The following BMP3 variants were observed in gnomAD, a reference collection of about 807,000 sequenced individuals.
BMP3 encodes bone morphogenetic protein 3 (osteogenic).
In BMP3, 23 loss-of-function variants were observed where a neutral mutation model predicts 38.1. The observed-to-expected ratio is 0.60, with a 90% CI of 0.43 to 0.86. The LOEUF is 0.86. BMP3 is among the 40% of genes least tolerant of loss of function. BMP3 has a pLI of 0.00. For missense variants in BMP3, 628 were observed against 579.6 expected, an observed-to-expected ratio of 1.08 and a Z score of -0.86; for synonymous variants, 258 against 225.7, an observed-to-expected ratio of 1.14 and a Z score of -1.28.
In BMP3 at chr4:81,054,714, C is replaced by A. The variant is rs916259552; in HGVS notation, c.*1178C>A. 4 of 152,188 alleles carry A rather than the reference C, an allele frequency of 2.6e-5. No individual in the cohort carries two copies. The highest frequency in any genetic ancestry group is 9.6e-5 in the African/African-American group (4 of 41,454). The allele number at this position is 152,188 out of a possible 1,614,324, so 9.4% of individuals were successfully genotyped here. A position where few individuals can be genotyped will look rare whatever the true frequency, so the allele number is the denominator to read the frequency against. On this transcript the variant is annotated 3_prime_UTR_variant, in exon 3 of 3. Coordinates refer to ENST00000282701, the MANE Select transcript of BMP3 (RefSeq NM_001201.5). ...CAGGTATGGGAATCAAATATAGACA[C>A]TTGTTTGTCTTTGCTTTCCATTTCT...
intron 1 of BMP3, among the ~76,000 whole-genome samples, chr4:81,038,608 A>C (rs77268233): frequency 1.3e-5 from 2 of 152,212 alleles, no homozygotes; most frequent in African/African-American, 4.8e-5. Flanking sequence ...TACAATGATT[A>C]TAATAATTCT....
chr4:81,037,808 G>A (rs1578294494), intron 1 of BMP3, among the ~76,000 whole-genome samples: 1 of 152,090 alleles, frequency 6.6e-6, no homozygotes, highest in East Asian at 1.9e-4. Flanking sequence ...GCTGAGGGGT[G>A]TAGGGTTATG....
rs1044379440 is a variant in BMP3 at position 81,055,014 on chromosome 4, A to T, written c.*1478A>T. ...ATGGTGGTTCAGTCATTTAATAAAT[A>T]TGTTTTGAGCATCTATTTTGTGAAA... On this transcript the variant is annotated 3_prime_UTR_variant, in exon 3 of 3. Transcript: ENST00000282701. 6.6e-6 allele frequency: 1 copy of T among 152,152 alleles called. No individual in the cohort carries two copies. Among genetic ancestry groups the T allele is most frequent in the Non-Finnish European group, 1.5e-5 (1 of 68,026 alleles). The allele number at this position is 152,152 out of a possible 1,614,324, so 9.4% of individuals were successfully genotyped here.
At chr4:81,045,700 G>C in intron 1 of BMP3, 38 bp from the exon 2 acceptor site, 1 of 1,473,732 alleles carries the variant, frequency 6.8e-7, no homozygotes, top group Non-Finnish European at 9.2e-7. Flanking sequence ...TAATGGTCTT[G>C]TTTTCTCCTG....
chr4:81,042,154 A>G (rs1358334221), intron 1 of BMP3, among the ~76,000 whole-genome samples: 1 of 152,210 alleles, frequency 6.6e-6, no homozygotes, highest in East Asian at 1.9e-4. Context: ...TCACTTTAAC[A>G]CACACTGGCT....
chr4:81,043,221 T>C (rs996940211), intron 1 of BMP3, among the ~76,000 whole-genome samples: 1 of 152,234 alleles, frequency 6.6e-6, no homozygotes, highest in Non-Finnish European at 1.5e-5. Context: ...GCTTAGGCTC[T>C]GGTGACTGAT....
intron 1 of BMP3, among the ~76,000 whole-genome samples, chr4:81,032,333 C>T (rs1046047097): frequency 2.0e-5 from 3 of 151,764 alleles, no homozygotes; most frequent in Non-Finnish European, 4.4e-5. Context: ...GATGTAAACA[C>T]CTCTTGGAAT....
intron 1 of BMP3, among the ~76,000 whole-genome samples, chr4:81,045,154 A>G (rs1740195245): frequency 6.6e-6 from 1 of 152,094 alleles, no homozygotes; most frequent in Non-Finnish European, 1.5e-5. Flanking sequence ...TAGTCATCCT[A>G]GTGTGTATCA....
chr4:81,046,174 G>A lies in BMP3; in HGVS notation c.753G>A (p.Glu251=). 6.2e-7 allele frequency: 1 copy of A among 1,614,078 alleles called. No individual in the cohort carries two copies. Among genetic ancestry groups the A allele is most frequent in the Non-Finnish European group, 8.5e-7 (1 of 1,180,028 alleles). Reference sequence around the variant, plus strand: ...ATGCCAATGATGCCGCCATTTCTGAGCCAGAAAGTGTGGTATCAAGCTTAC... The same window carrying A: ...ATGCCAATGATGCCGCCATTTCTGAACCAGAAAGTGTGGTATCAAGCTTAC... ...LVYANDAAIS[E]PESVVSSLQG... is the part of the protein sequence containing the mutation. Residue 251 remains glutamate, a synonymous_variant, in exon 2 of 3, where the codon GAG becomes GAA. Coordinates refer to ENST00000282701, the MANE Select transcript of BMP3 (RefSeq NM_001201.5).
intron 2 of BMP3, among the ~76,000 whole-genome samples, chr4:81,047,718 TG>T (rs1478482936): frequency 1.1e-4 from 17 of 152,112 alleles, no homozygotes; most frequent in African/African-American, 3.4e-4. Context: ...AGCGTTTTCA[TG>T]TTCTAGCCAA....
rs1429764150 is a variant in BMP3, at chr4:81,055,227, C to T, written c.*1691C>T. On this transcript the variant is annotated 3_prime_UTR_variant, in exon 3 of 3. Transcript: ENST00000282701. The stretch of plus-strand genomic sequence containing the variant: ...AAACTAAATGAAAGAACATCCTATA[C>T]TTCGCTGTTTGTAAATTAGTATGGC... 6.6e-6 allele frequency: 1 copy of T among 152,200 alleles called. No homozygotes were observed. The highest frequency in any genetic ancestry group is 1.5e-5 in the Non-Finnish European group (1 of 68,032). The allele number at this position is 152,200 out of a possible 1,614,324, so 9.4% of individuals were successfully genotyped here. A position where few individuals can be genotyped will look rare whatever the true frequency, so the allele number is the denominator to read the frequency against.
chr4:81,043,714 A>T (rs1471182025), intron 1 of BMP3, among the ~76,000 whole-genome samples: 1 of 151,142 alleles, frequency 6.6e-6, no homozygotes, highest in East Asian at 2.0e-4. Context: ...CAGCCTCCCG[A>T]GTAGCTGGGA....
intron 1 of BMP3, among the ~76,000 whole-genome samples, chr4:81,040,865 CT>C (rs534803188): frequency 1.3e-3 from 193 of 152,060 alleles, no homozygotes; most frequent in Non-Finnish European, 1.9e-3. Context: ...AAAATCCACC[CT>C]TTTTTTTATC....
chr4:81,037,267 A>T (rs1485387899), intron 1 of BMP3: 1 of 156,298 alleles, frequency 6.4e-6, no homozygotes, highest in Non-Finnish European at 1.4e-5. Context: ...TCCTTCAAAA[A>T]CCTTTCTCTT....
Position 81,051,523 on chromosome 4 carries a change from C to T in BMP3, c.1228-1822C>T, listed in dbSNP as rs182189942. 7.2e-5 allele frequency among the ~76,000 whole-genome samples: 11 copies of T among 152,180 alleles called. No individual in the cohort carries two copies. In the East Asian group the frequency reaches 9.6e-4, roughly 13 times the overall value. ...TTGGAAAATCTAGTTTAAAAGTTTT[C>T]GCTTTATGACAAGCTATTTAGATTA... On this transcript the variant is annotated intron_variant, in intron 2 of 2. Coordinates refer to ENST00000282701, the MANE Select transcript of BMP3 (RefSeq NM_001201.5).
chr4:81,040,598 T>A (rs1342538820), intron 1 of BMP3, among the ~76,000 whole-genome samples: 2 of 152,160 alleles, frequency 1.3e-5, no homozygotes, highest in African/African-American at 4.8e-5. Context: ...TTGCTAAACT[T>A]TTTTTTCTCC....
chr4:81,040,877 A>G lies in BMP3; in HGVS notation c.317-4861A>G, dbSNP rs1740055248. On this transcript the variant is annotated intron_variant, in intron 1 of 2. Coordinates refer to ENST00000282701, the MANE Select transcript of BMP3 (RefSeq NM_001201.5). ...GAAAAAATCCACCCTTTTTTTTATC[A>G]TTATTATATCGGTTTGCTCTTATTA... Among the ~76,000 whole-genome samples the G allele has an allele frequency of 2.0e-5, 3 of 152,238 alleles. No individual in the cohort carries two copies. In the South Asian group the frequency reaches 6.2e-4, roughly 32 times the overall value.
intron 1 of BMP3, among the ~76,000 whole-genome samples, chr4:81,038,243 A>G (rs1739974175): frequency 6.6e-6 from 1 of 152,290 alleles, no homozygotes; most frequent in Middle Eastern, 3.4e-3. Context: ...AGTCTTCAAA[A>G]TAAGTTAATC....
chr4:81,035,202 CATA>C (rs1245271774), intron 1 of BMP3, among the ~76,000 whole-genome samples: 1 of 151,992 alleles, frequency 6.6e-6, no homozygotes, highest in African/African-American at 2.4e-5. Flanking sequence ...TTTAAAACAT[CATA>C]ATGTCATGAA....
Sources: gnomAD v4.1 joint callset for allele counts (sites outside exome capture counted in the v4.1 genomes callset) on GRCh38, gnomAD v4.1.1 for gene constraint, MANE v1.5 for transcripts, NCBI Gene and HGNC (gene_info 2026-07-23, HGNC 2026-07-21) for gene names.